H2BC4: variants seen among roughly 807,000 people sequenced by gnomAD.
H2BC4 encodes the protein histone H2B type 1-C/E/F/G/I.
A neutral mutation model predicts 6.2 loss-of-function variants in H2BC4; 10 were observed. The ratio of observed to expected loss-of-function variants is 1.61; its 90% confidence interval spans 0.99 to 2.73. H2BC4 has a LOEUF of 2.73. Ranked by LOEUF, H2BC4 falls within the 30% of genes most tolerant of loss-of-function variation. The pLI, the probability that H2BC4 is intolerant of heterozygous loss-of-function variation, is 0.00. For missense variants in H2BC4, 176 were observed against 168.7 expected (o/e 1.04, Z -0.24); for synonymous variants, 146 against 70.7 (o/e 2.07, Z -5.35).
In H2BC4 at chr6:26,123,897, T is replaced by G; in HGVS notation, c.8A>C (p.Glu3Ala). The G allele has an allele frequency of 6.2e-7, 1 of 1,613,644 alleles. No individual in the cohort carries two copies. Among genetic ancestry groups the G allele is most frequent in the Non-Finnish European group, 8.5e-7 (1 of 1,179,914 alleles). Residue 3 changes from glutamate to alanine, a missense_variant, in exon 1 of 1, where the codon GAG (glutamate) becomes GCG (alanine). Transcript: ENST00000396984. Reference protein sequence around the residue: MPEPAKSAPAPKK... With the variant: MPAPAKSAPAPKK... ...CGGGGCGGGAGCAGACTTGGCTGGC[T>G]CAGGCATCTTAAAACACCAGAAATG...
At chr6:26,123,413 C>G (rs1264959292), downstream of H2BC4, 1 of 1,530,854 alleles carries the variant, frequency 6.5e-7, no homozygotes, top group Non-Finnish European at 8.8e-7. Context: ...TTCTAATACC[C>G]CTCCGCCGCC....
At chr6:26,122,533 G>C (rs1301381301), downstream of H2BC4, among the ~76,000 whole-genome samples, 1 of 152,168 alleles carries the variant, frequency 6.6e-6, no homozygotes, top group Non-Finnish European at 1.5e-5. Flanking sequence ...AGTTGTCTAG[G>C]AAGGGAGAGT....
chr6:26,120,442 C>A (rs1462382347), downstream of H2BC4, among the ~76,000 whole-genome samples: 2 of 149,358 alleles, frequency 1.3e-5, no homozygotes, highest in African/African-American at 4.9e-5. Flanking sequence ...GAGCAAAATT[C>A]TGTCTCAAAA....
At chr6:26,122,088 T>G (rs555591654), downstream of H2BC4, among the ~76,000 whole-genome samples, 3 of 151,668 alleles carry the variant, frequency 2.0e-5, no homozygotes, top group Non-Finnish European at 4.4e-5. Flanking sequence ...AAAATTTACT[T>G]GTGAGGGACT....
exon 2 of H2BC4, chr6:26,115,069 C>G (rs1763401989): frequency 6.6e-6 from 1 of 152,042 alleles, no homozygotes; most frequent in South Asian, 2.1e-4. Flanking sequence ...GGTTTATTTG[C>G]AAGATGAAAC....
downstream of H2BC4, among the ~76,000 whole-genome samples, chr6:26,113,491 T>A (rs1175995290): frequency 6.6e-6 from 1 of 152,224 alleles, no homozygotes; most frequent in Non-Finnish European, 1.5e-5. Flanking sequence ...GGTGGCTATC[T>A]ACATGTGGAG....
downstream of H2BC4, among the ~76,000 whole-genome samples, chr6:26,119,799 C>T (rs989240434): frequency 4.2e-4 from 40 of 95,196 alleles, no homozygotes; most frequent in African/African-American, 1.5e-3. Flanking sequence ...ATTATTAAGC[C>T]AATTTGTCCA....
chr6:26,117,799 A>G (rs1763443071), intron 1 of H2BC4, among the ~76,000 whole-genome samples: 1 of 152,248 alleles, frequency 6.6e-6, no homozygotes, highest in Non-Finnish European at 1.5e-5. Context: ...GAAAAAAACT[A>G]CAAACTGTCT....
At chr6:26,121,007 T>C (rs900354117), downstream of H2BC4, among the ~76,000 whole-genome samples, 1 of 152,230 alleles carries the variant, frequency 6.6e-6, no homozygotes, top group Non-Finnish European at 1.5e-5. Context: ...AGCCATTTTA[T>C]ATTCATATCA....
chr6:26,123,665 G>A lies in H2BC4; in HGVS notation c.240C>T (p.Arg80=). Residue 80 remains arginine (R), a synonymous_variant, in exon 1 of 1, where the codon CGC becomes CGT. Coordinates refer to ENST00000396984, the MANE Select transcript of H2BC4 (RefSeq NM_003526.3). ...IFERIAGEAS[R]LAHYNKRSTI... ...TCGAGCGCTTGTTGTAATGCGCCAG[G>A]CGGGAAGCCTCGCCCGCGATGCGCT... is the stretch of plus-strand genomic sequence containing the variant. 1.9e-6 allele frequency: 3 copies of A among 1,614,268 alleles called. No homozygotes were observed. Among genetic ancestry groups the A allele is most frequent in the African/African-American group, 1.3e-5 (1 of 75,074 alleles).
downstream of H2BC4, among the ~76,000 whole-genome samples, chr6:26,122,451 C>A (rs1344507339): frequency 2.6e-5 from 4 of 152,174 alleles, no homozygotes; most frequent in Non-Finnish European, 5.9e-5. Context: ...ATCTTAAAAT[C>A]TTTACCTGGA....
At chr6:26,114,697 A>T, downstream of H2BC4, among the ~76,000 whole-genome samples, 1 of 152,032 alleles carries the variant, frequency 6.6e-6, no homozygotes, top group East Asian at 1.9e-4. Context: ...GAAGTAGTCA[A>T]TAACAAATAC....
Position 26,123,870 on chromosome 6 carries a change from T to G in H2BC4, c.35A>C (p.Lys12Thr). Reference protein sequence around the residue: ...PEPAKSAPAPKKGSKKAVTKA... With the variant: ...PEPAKSAPAPTKGSKKAVTKA... ...GGTCACTGCCTTCTTGGAGCCCTTC[T>G]TCGGGGCGGGAGCAGACTTGGCTGG... The change falls in exon 1 of 1, where the codon AAG becomes ACG. Residue 12 changes from lysine (K) to threonine (T), a missense_variant. Transcript: ENST00000396984. 1.2e-6 allele frequency: 2 copies of G among 1,614,198 alleles called. No homozygotes were observed. The highest frequency in any genetic ancestry group is 1.7e-6 in the Non-Finnish European group (2 of 1,180,038).
At chr6:26,116,301 T>C (rs1368525144) in intron 1 of H2BC4, among the ~76,000 whole-genome samples, 1 of 152,248 alleles carries the variant, frequency 6.6e-6, no homozygotes, top group Non-Finnish European at 1.5e-5. Flanking sequence ...ATGTCTCTAT[T>C]AATTATTCTA....
At chr6:26,117,659 T>A (rs2113794749) in intron 1 of H2BC4, among the ~76,000 whole-genome samples, 1 of 152,370 alleles carries the variant, frequency 6.6e-6, no homozygotes, top group East Asian at 1.9e-4. Context: ...TAGTTGAGTT[T>A]GTCAAACTGT....
At chr6:26,115,517 A>T (rs1320039919) in intron 1 of H2BC4, among the ~76,000 whole-genome samples, 1 of 152,194 alleles carries the variant, frequency 6.6e-6, no homozygotes, top group Non-Finnish European at 1.5e-5. Flanking sequence ...ATTTGATCTA[A>T]ACTTGAAGGA....
chr6:26,119,832 TTA>T (rs1763475718), downstream of H2BC4, among the ~76,000 whole-genome samples: 1 of 151,878 alleles, frequency 6.6e-6, no homozygotes, highest in Non-Finnish European at 1.5e-5. Context: ...ATTAGATGTA[TTA>T]TATATTTTCC....
At chr6:26,116,323 T>C (rs1220904804) in intron 1 of H2BC4, among the ~76,000 whole-genome samples, 1 of 152,172 alleles carries the variant, frequency 6.6e-6, no homozygotes, top group Non-Finnish European at 1.5e-5. Context: ...AAATTGCGCA[T>C]TGGATGATAA....
chr6:26,115,910 A>G (rs960137957), intron 1 of H2BC4, among the ~76,000 whole-genome samples: 1 of 152,166 alleles, frequency 6.6e-6, no homozygotes, highest in African/African-American at 2.4e-5. Context: ...GGCACATTTT[A>G]ATTTTCAATT....
Sources: allele counts gnomAD v4.1 joint callset (sites outside exome capture counted in the v4.1 genomes callset), GRCh38; gene constraint gnomAD v4.1.1; transcripts MANE v1.5; gene names NCBI Gene and HGNC (gene_info 2026-07-23, HGNC 2026-07-21).